The following CHERP variants were observed in gnomAD, a reference collection of about 807,000 sequenced individuals.
CHERP encodes calcium homeostasis endoplasmic reticulum protein.
In CHERP, 8 loss-of-function variants were observed where a neutral mutation model predicts 113.8. That is an observed-to-expected ratio of 0.07 (90% CI 0.04 to 0.13). The LOEUF is 0.13. Ranked by LOEUF, CHERP falls within the 10% of genes least tolerant of loss-of-function variation. The probability of loss-of-function intolerance (pLI) is 1.00; values close to 1 mark genes in which losing one functional copy is unlikely to be tolerated. For missense variants in CHERP, 884 were observed against 1,298.2 expected, an observed-to-expected ratio of 0.68 and a Z score of 4.90; for synonymous variants, 559 against 524.5, an observed-to-expected ratio of 1.07 and a Z score of -0.90.
chr19:16,524,603 A>T (rs78302916), intron 10 of CHERP, among the ~76,000 whole-genome samples: 2,038 of 151,604 alleles, frequency 0.013, 47 homozygotes, highest in African/African-American at 0.047. Context: ...TCAATAACAA[A>T]GATACTAGGC....
Position 16,532,470 on chromosome 19 carries a change from C to T in CHERP, c.674+128G>A. 3 of 1,205,682 alleles carry T rather than the reference C, an allele frequency of 2.5e-6. No homozygotes were observed. Among genetic ancestry groups the T allele is most frequent in the Non-Finnish European group, 3.4e-6 (3 of 890,956 alleles). The allele number at this position is 1,205,682 out of a possible 1,614,324, so 74.7% of individuals were successfully genotyped here. On this transcript the variant is annotated intron_variant, in intron 5 of 16. Coordinates refer to ENST00000546361, the MANE Select transcript of CHERP (RefSeq NM_006387.6). The surrounding 1 kb of genome is among the most constrained non-coding windows in gnomAD (Gnocchi z 4.4). ...TCACAGAGACCCCCCACCCGGGGTC[C>T]CCGGACAAGTGCCCCCTAGTCTCGG...
Position 16,535,920 on chromosome 19 carries a change from C to T in CHERP, c.200-284G>A, listed in dbSNP as rs942548332. Among the ~76,000 whole-genome samples the T allele has an allele frequency of 2.0e-5, 3 of 152,222 alleles. No individual in the cohort carries two copies. The highest frequency in any genetic ancestry group is 4.4e-5 in the Non-Finnish European group (3 of 68,024). On this transcript the variant is annotated intron_variant, in intron 2 of 16. Coordinates refer to ENST00000546361, the MANE Select transcript of CHERP (RefSeq NM_006387.6). The surrounding 1 kb of genome is among the most constrained non-coding windows in gnomAD (Gnocchi z 4.3). Reference sequence around the variant, plus strand: ...TCTCGCCAGCACCATCCAGTCCTTGCGCAGTGTCCTTCCGGTGCAAGCTAA... The same window carrying T: ...TCTCGCCAGCACCATCCAGTCCTTGTGCAGTGTCCTTCCGGTGCAAGCTAA...
rs1025483463 is a variant in CHERP at position 16,525,697 on chromosome 19, C to T, written c.1306-20G>A. 8 of 1,485,942 alleles carry T rather than the reference C, an allele frequency of 5.4e-6. No homozygotes were observed. The highest frequency in any genetic ancestry group is 7.2e-6 in the Non-Finnish European group (8 of 1,117,468). 92.0% of individuals were successfully genotyped at this position (1,485,942 alleles called of 1,614,324 possible). A position where few individuals can be genotyped will look rare whatever the true frequency, so the allele number is the denominator to read the frequency against. Reference sequence around the variant, plus strand: ...TGGCGGCTGCAAGGGAAGGGACAGGCTTGAGCCCTGCGTGGTCTAGGCCCT... The same window carrying T: ...TGGCGGCTGCAAGGGAAGGGACAGGTTTGAGCCCTGCGTGGTCTAGGCCCT... On this transcript the variant is annotated intron_variant, in intron 9 of 16. Transcript: ENST00000546361. This position sits in a 1 kb window ranked among gnomAD's most constrained non-coding sequence, Gnocchi z 6.5.
In CHERP at chr19:16,520,606, C is replaced by T; in HGVS notation, c.2202-99G>A. On this transcript the variant is annotated intron_variant, in intron 13 of 16. Coordinates refer to ENST00000546361, the MANE Select transcript of CHERP (RefSeq NM_006387.6). The surrounding 1 kb of genome is among the most constrained non-coding windows in gnomAD (Gnocchi z 4.0). The stretch of plus-strand genomic sequence containing the variant: ...CTAGACCACCCCAGATGCAGGGGCT[C>T]TGGCTGTGGATGTGGCGCCATAGCC... The T allele has an allele frequency of 7.1e-7, 1 of 1,403,880 alleles. No individual in the cohort carries two copies. Among genetic ancestry groups the T allele is most frequent in the South Asian group, 1.3e-5 (1 of 76,638 alleles). 87.0% of individuals were successfully genotyped at this position (1,403,880 alleles called of 1,614,324 possible).
At chr19:16,539,118 T>C (rs946229307) in intron 2 of CHERP, among the ~76,000 whole-genome samples, 4 of 151,596 alleles carry the variant, frequency 2.6e-5, no homozygotes, top group African/African-American at 9.7e-5. Flanking sequence ...TTTAAAACTC[T>C]TGTGGCTTCC....
chr19:16,533,170 G>C, intron 3 of CHERP, 22 bp from the exon 4 acceptor site: 4 of 1,569,144 alleles, frequency 2.5e-6, no homozygotes, highest in Non-Finnish European at 3.5e-6. Context: ...GGTCGGTGGG[G>C]TCGAGAACAC....
In CHERP at chr19:16,525,693, C is replaced by A; in HGVS notation, c.1306-16G>T. Reference sequence around the variant, plus strand: ...GCTCTGGCGGCTGCAAGGGAAGGGACAGGCTTGAGCCCTGCGTGGTCTAGG... The same window carrying A: ...GCTCTGGCGGCTGCAAGGGAAGGGAAAGGCTTGAGCCCTGCGTGGTCTAGG... On this transcript the variant is annotated splice_polypyrimidine_tract_variant and intron_variant, in intron 9 of 16. Transcript: ENST00000546361. The surrounding 1 kb of genome is among the most constrained non-coding windows in gnomAD (Gnocchi z 6.5). 6.7e-7 allele frequency: 1 copy of A among 1,490,270 alleles called. No individual in the cohort carries two copies. Among genetic ancestry groups the A allele is most frequent in the Non-Finnish European group, 8.9e-7 (1 of 1,120,020 alleles). The allele number at this position is 1,490,270 out of a possible 1,614,324, so 92.3% of individuals were successfully genotyped here.
intron 5 of CHERP, among the ~76,000 whole-genome samples, chr19:16,531,385 C>T (rs1255367202): frequency 6.6e-6 from 1 of 152,176 alleles, no homozygotes; most frequent in East Asian, 1.9e-4. Context: ...ACCGGATGCC[C>T]AGCGGGGGGA....
Position 16,542,437 on chromosome 19 carries a change from C to A in CHERP, c.-59G>T. On this transcript the variant is annotated 5_prime_UTR_variant, in exon 1 of 17. Coordinates refer to ENST00000546361, the MANE Select transcript of CHERP (RefSeq NM_006387.6). ...CACGATCGACCACCAGCGCCGTCTG[C>A]GGAAGCCGGCCGGAAGTGGCGCGAG... 7.7e-7 allele frequency: 1 copy of A among 1,299,386 alleles called. No homozygotes were observed. The highest frequency in any genetic ancestry group is 3.0e-5 in the East Asian group (1 of 33,834). The allele number at this position is 1,299,386 out of a possible 1,614,324, so 80.5% of individuals were successfully genotyped here.
chr19:16,519,715 A>C lies in CHERP; in HGVS notation c.2463T>G (p.Pro821=). 6.2e-7 allele frequency: 1 copy of C among 1,611,716 alleles called. No homozygotes were observed. Among genetic ancestry groups the C allele is most frequent in the Non-Finnish European group, 8.5e-7 (1 of 1,177,932 alleles). ...AATTAGAACCCAGACCAGCAGAGGA[A>C]CTAAAATCGAGACAGGTTATTCTTT... is the stretch of plus-strand genomic sequence containing the variant. ...RRSRSRSPTP[P]SSAGLGSNSA... The change falls in exon 16 of 17, where the codon CCT becomes CCG. Residue 821 remains proline, a splice_region_variant and synonymous_variant. Coordinates refer to ENST00000546361, the MANE Select transcript of CHERP (RefSeq NM_006387.6). This position sits in a 1 kb window ranked among gnomAD's most constrained non-coding sequence, Gnocchi z 6.0.
rs746046838 is a variant in CHERP, at chr19:16,519,378, CACA to C, written c.2558-29_2558-27del. 14 of 1,602,012 alleles carry C rather than the reference CACA, an allele frequency of 8.7e-6. No homozygotes were observed. Among genetic ancestry groups the C allele is most frequent in the Admixed American group, 5.2e-5 (3 of 58,180 alleles). ...CTGGAAACAGAGACGCAGTCACAAC[CACA>C]ACAAGGCGGAGGCAGATGGGGGTGC... is the stretch of plus-strand genomic sequence containing the variant. On this transcript the variant is annotated intron_variant, in intron 16 of 16. Transcript: ENST00000546361. This position sits in a 1 kb window ranked among gnomAD's most constrained non-coding sequence, Gnocchi z 6.0.
rs145925481 is a variant in CHERP at position 16,520,081 on chromosome 19, T to C, written c.2462+68A>G. Reference sequence around the variant, plus strand: ...ACACAGTCTCCTAACCACCAATGTTTCCACATTCACAGCAAAGCACCGCAG... The same window carrying C: ...ACACAGTCTCCTAACCACCAATGTTCCCACATTCACAGCAAAGCACCGCAG... On this transcript the variant is annotated intron_variant, in intron 15 of 16. Transcript: ENST00000546361. This position sits in a 1 kb window ranked among gnomAD's most constrained non-coding sequence, Gnocchi z 4.0. 1.6e-5 allele frequency: 24 copies of C among 1,500,180 alleles called. No individual in the cohort carries two copies. In the African/African-American group the frequency reaches 2.3e-4, roughly 15 times the overall value. 92.9% of individuals were successfully genotyped at this position (1,500,180 alleles called of 1,614,324 possible). A position where few individuals can be genotyped will look rare whatever the true frequency, so the allele number is the denominator to read the frequency against.
chr19:16,540,345 G>GCT (rs1193549207), intron 2 of CHERP, among the ~76,000 whole-genome samples: 2 of 151,618 alleles, frequency 1.3e-5, no homozygotes, highest in Non-Finnish European at 2.9e-5. Flanking sequence ...GGGATTACAG[G>GCT]CACAAGCCAC....
At position 16,519,134 on chromosome 19, in the gene CHERP, C is replaced by A. The variant is rs771816080; in HGVS notation, c.*25G>T. On this transcript the variant is annotated 3_prime_UTR_variant, in exon 17 of 17. Transcript: ENST00000546361. This position sits in a 1 kb window ranked among gnomAD's most constrained non-coding sequence, Gnocchi z 6.0. ...GTCCCACAGCCGGCACCGCTGGCCA[C>A]CGGCGCGGCTCCCGGCATGGGCGCC... 1.2e-6 allele frequency: 2 copies of A among 1,601,194 alleles called. No individual in the cohort carries two copies. The highest frequency in any genetic ancestry group is 2.2e-5 in the South Asian group (2 of 89,684).
chr19:16,520,547 G>A lies in CHERP; in HGVS notation c.2202-40C>T. 1.9e-6 allele frequency: 3 copies of A among 1,590,468 alleles called. No homozygotes were observed. The highest frequency in any genetic ancestry group is 2.6e-6 in the Non-Finnish European group (3 of 1,167,626). On this transcript the variant is annotated intron_variant, in intron 13 of 16. Transcript: ENST00000546361. This position sits in a 1 kb window ranked among gnomAD's most constrained non-coding sequence, Gnocchi z 4.0. The stretch of plus-strand genomic sequence containing the variant: ...CTGATGATCAGGTGCCCCAGTGGAT[G>A]GGCTGCACCCAGCCCACCCTGGCCC...
At position 16,526,000 on chromosome 19, in the gene CHERP, AC is replaced by A. The variant is rs529063808; in HGVS notation, c.1306-324del. Among the ~76,000 whole-genome samples, 3 of 152,272 alleles carry A rather than the reference AC, an allele frequency of 2.0e-5. No individual in the cohort carries two copies. Among genetic ancestry groups the A allele is most frequent in the African/African-American group, 7.2e-5 (3 of 41,558 alleles). ...GCTCCCCGCTACCACTGCCAGACAAACGCCAGCTCCCTCGCCCCTCAGGGGC... is the reference window on the plus strand; with the variant it reads ...GCTCCCCGCTACCACTGCCAGACAAAGCCAGCTCCCTCGCCCCTCAGGGGC... On this transcript the variant is annotated intron_variant, in intron 9 of 16. Coordinates refer to ENST00000546361, the MANE Select transcript of CHERP (RefSeq NM_006387.6). This position sits in a 1 kb window ranked among gnomAD's most constrained non-coding sequence, Gnocchi z 6.5.
In CHERP at chr19:16,523,644, G is replaced by A. The variant is rs988197300; in HGVS notation, c.1742-354C>T. 1.3e-5 allele frequency among the ~76,000 whole-genome samples: 2 copies of A among 152,156 alleles called. No individual in the cohort carries two copies. The highest frequency in any genetic ancestry group is 2.9e-5 in the Non-Finnish European group (2 of 68,024). On this transcript the variant is annotated intron_variant, in intron 10 of 16. Transcript: ENST00000546361. This position sits in a 1 kb window ranked among gnomAD's most constrained non-coding sequence, Gnocchi z 4.0. ...TGTATTTGGAGACAGAGCCTTCAAA[G>A]ACACAAATGAGTTAAAATGAAGCCA...
In CHERP at chr19:16,530,525, A is replaced by G; in HGVS notation, c.876+60T>C. The G allele has an allele frequency of 6.5e-7, 1 of 1,528,246 alleles. No homozygotes were observed. Among genetic ancestry groups the G allele is most frequent in the Non-Finnish European group, 9.1e-7 (1 of 1,103,684 alleles). The allele number at this position is 1,528,246 out of a possible 1,614,324, so 94.7% of individuals were successfully genotyped here. Reference sequence around the variant, plus strand: ...GCAGCTGCTGTCCCCACACTCCCAAACCCTCCTGGGGAACCCGCCCCAGCT... The same window carrying G: ...GCAGCTGCTGTCCCCACACTCCCAAGCCCTCCTGGGGAACCCGCCCCAGCT... On this transcript the variant is annotated intron_variant, in intron 7 of 16. Transcript: ENST00000546361. This position sits in a 1 kb window ranked among gnomAD's most constrained non-coding sequence, Gnocchi z 4.1.
rs1240536703 is a variant in CHERP at position 16,532,440 on chromosome 19, G to T, written c.674+158C>A. ...TCGCAGTCCTGGAGACAGAAGCCTG[G>T]TGGCTCACAGAGACCCCCCACCCGG... On this transcript the variant is annotated intron_variant, in intron 5 of 16. Transcript: ENST00000546361. The surrounding 1 kb of genome is among the most constrained non-coding windows in gnomAD (Gnocchi z 4.4). The T allele has an allele frequency of 1.2e-6, 1 of 830,726 alleles. No homozygotes were observed. Among genetic ancestry groups the T allele is most frequent in the African/African-American group, 1.7e-5 (1 of 58,158 alleles). The allele number at this position is 830,726 out of a possible 1,614,324, so 51.5% of individuals were successfully genotyped here.
Sources: gnomAD v4.1 joint callset for allele counts (sites outside exome capture counted in the v4.1 genomes callset) on GRCh38, gnomAD v4.1.1 for gene constraint, Gnocchi (gnomAD v3.1) non-coding constraint, MANE v1.5 for transcripts, NCBI Gene and HGNC (gene_info 2026-07-23, HGNC 2026-07-21) for gene names.